Variants in DAPK1 observed in about 807,000 individuals in gnomAD.
DAPK1 encodes death-associated protein kinase 1.
DAPK1 carries 56 observed loss-of-function variants against 144.9 expected under a neutral mutation model. The observed-to-expected ratio is 0.39, with a 90% CI of 0.31 to 0.48. DAPK1 has a LOEUF of 0.48. Among genes scored for constraint, DAPK1 ranks in the 20% least tolerant of loss-of-function variants. The pLI is 0.95. For missense variants in DAPK1, 1,454 were observed against 1,875.4 expected, an observed-to-expected ratio of 0.78 and a Z score of 4.15; for synonymous variants, 690 against 749.0, an observed-to-expected ratio of 0.92 and a Z score of 1.29.
intron 3 of DAPK1, among the ~76,000 whole-genome samples, chr9:87,635,411 G>A (rs995436495): frequency 1.3e-5 from 2 of 152,032 alleles, no homozygotes; most frequent in African/African-American, 4.8e-5. Context: ...AGGTGGGCTC[G>A]GGAGGCCCTG....
chr9:87,576,008 A>G (rs1827541926), intron 2 of DAPK1, among the ~76,000 whole-genome samples: 1 of 152,118 alleles, frequency 6.6e-6, no homozygotes, highest in South Asian at 2.1e-4. Context: ...AACCCAAGAA[A>G]ATGCCTTCCG....
At chr9:87,660,239 A>G (rs190760753) in intron 18 of DAPK1, among the ~76,000 whole-genome samples, 1 of 151,878 alleles carries the variant, frequency 6.6e-6, no homozygotes, top group Non-Finnish European at 1.5e-5. Context: ...CCTTCCCCGC[A>G]GGGAACCGGG....
intron 2 of DAPK1, among the ~76,000 whole-genome samples, chr9:87,557,552 T>C (rs1177586549): frequency 6.6e-6 from 1 of 152,112 alleles, no homozygotes; most frequent in East Asian, 1.9e-4. Flanking sequence ...AGCCATTAGA[T>C]TTTTTTTCTA....
In DAPK1 at chr9:87,499,144, AG is replaced by A. The variant is rs1285159796; in HGVS notation, c.62+10del. ...CACCGGCGAGGAACTTGGCAGGTAA[AG>A]GGGGTACCAGAAGCGTACCCTCCTG... On this transcript the variant is annotated splice_donor_region_variant and intron_variant, in intron 2 of 25. Coordinates refer to ENST00000408954, the MANE Select transcript of DAPK1 (RefSeq NM_004938.4). 6.2e-7 allele frequency: 1 copy of A among 1,613,030 alleles called. No homozygotes were observed. Among genetic ancestry groups the A allele is most frequent in the Admixed American group, 1.7e-5 (1 of 60,022 alleles).
chr9:87,580,702 A>G (rs927382770), intron 2 of DAPK1, among the ~76,000 whole-genome samples: 1 of 152,192 alleles, frequency 6.6e-6, no homozygotes, highest in African/African-American at 2.4e-5. Context: ...TGACTTTACT[A>G]CCTGCTCTAA....
chr9:87,599,569 TTGTA>T (rs1156464942), intron 2 of DAPK1, among the ~76,000 whole-genome samples: 1 of 152,242 alleles, frequency 6.6e-6, no homozygotes, highest in Non-Finnish European at 1.5e-5. Flanking sequence ...CTCATTATCT[TTGTA>T]TGTATCTGAC....
intron 2 of DAPK1, among the ~76,000 whole-genome samples, chr9:87,591,935 TCTAAA>T (rs769639592): frequency 3.9e-5 from 6 of 152,142 alleles, no homozygotes; most frequent in African/African-American, 7.2e-5. Context: ...GAGTAGAAAG[TCTAAA>T]CAGGGGGCCT....
intron 3 of DAPK1, among the ~76,000 whole-genome samples, chr9:87,637,314 G>C (rs546648032): frequency 3.9e-5 from 6 of 152,068 alleles, no homozygotes; most frequent in Middle Eastern, 3.4e-3. Context: ...GGATGGTCTC[G>C]ATCTCTTGAC....
At chr9:87,605,392 C>T (rs1458365297) in intron 3 of DAPK1, among the ~76,000 whole-genome samples, 6 of 152,190 alleles carry the variant, frequency 3.9e-5, no homozygotes, top group African/African-American at 9.7e-5. Context: ...ACTGTGGTTC[C>T]ACCCAGTTTG....
chr9:87,528,308 C>T (rs1173578066), intron 2 of DAPK1, among the ~76,000 whole-genome samples: 2 of 151,868 alleles, frequency 1.3e-5, no homozygotes, highest in African/African-American at 2.4e-5. Context: ...ACCTCCACCT[C>T]CTGGGTTCAA....
At chr9:87,638,406 G>A (rs933205788) in intron 4 of DAPK1, among the ~76,000 whole-genome samples, 6 of 152,060 alleles carry the variant, frequency 3.9e-5, no homozygotes, top group Non-Finnish European at 8.8e-5. Context: ...TTCCTTCTGT[G>A]GCTCTGGGCA....
chr9:87,654,004 C>A (rs903165792), intron 17 of DAPK1, among the ~76,000 whole-genome samples: 8 of 152,138 alleles, frequency 5.3e-5, no homozygotes, highest in African/African-American at 1.9e-4. Context: ...CTATATTTTT[C>A]TGCTTAGCTT....
chr9:87,624,901 A>G (rs914906147), intron 3 of DAPK1, among the ~76,000 whole-genome samples: 3 of 152,208 alleles, frequency 2.0e-5, no homozygotes, highest in Non-Finnish European at 4.4e-5. Flanking sequence ...TGTGATAACC[A>G]TCTTCAGATG....
chr9:87,652,111 T>C (rs77540272), intron 17 of DAPK1, among the ~76,000 whole-genome samples: 72 of 131,332 alleles, frequency 5.5e-4, no homozygotes, highest in African/African-American at 1.7e-3. Context: ...CCCCCGATCC[T>C]GGGTCCTGAT....
intron 2 of DAPK1, among the ~76,000 whole-genome samples, chr9:87,542,723 C>T (rs950983832): frequency 1.3e-5 from 2 of 152,124 alleles, no homozygotes; most frequent in African/African-American, 4.8e-5. Flanking sequence ...AGACAAACGG[C>T]CAGTGAGAAG....
chr9:87,675,848 T>TACACACACACACACACAC (rs763359644), intron 19 of DAPK1, among the ~76,000 whole-genome samples: 1,617 of 117,276 alleles, frequency 0.014, 54 homozygotes, highest in African/African-American at 0.034. Flanking sequence ...CATTCTACCC[T>TACACACACACACACACAC]ACACACACAC....
intron 3 of DAPK1, among the ~76,000 whole-genome samples, chr9:87,616,408 A>G (rs1423680916): frequency 6.6e-6 from 1 of 152,224 alleles, no homozygotes; most frequent in African/African-American, 2.4e-5. Flanking sequence ...AGGATCTGAA[A>G]AAGAGTCACG....
chr9:87,505,363 G>C (rs989789268), intron 2 of DAPK1, among the ~76,000 whole-genome samples: 2 of 152,204 alleles, frequency 1.3e-5, no homozygotes, highest in Admixed American at 1.3e-4. Context: ...AGAGCTCAGG[G>C]ACTTTGTTTG....
chr9:87,635,456 A>G (rs781161245), intron 3 of DAPK1, among the ~76,000 whole-genome samples: 19 of 152,158 alleles, frequency 1.2e-4, no homozygotes, highest in Non-Finnish European at 2.6e-4. Context: ...GCGGCTGGGC[A>G]CCACATTCAC....
Sources: gnomAD v4.1 joint callset for allele counts (sites outside exome capture counted in the v4.1 genomes callset) on GRCh38, gnomAD v4.1.1 for gene constraint, MANE v1.5 for transcripts, NCBI Gene and HGNC (gene_info 2026-07-23, HGNC 2026-07-21) for gene names.